Variants in CSNK1G3 observed in about 807,000 individuals in gnomAD.
The protein encoded by CSNK1G3 is casein kinase 1 gamma 3.
Under a neutral mutation model 64.3 loss-of-function variants are expected in CSNK1G3, and 23 were observed. That is an observed-to-expected ratio of 0.36 (90% CI 0.26 to 0.51). The LOEUF is 0.51. Ranked by LOEUF, CSNK1G3 falls within the 20% of genes least tolerant of loss-of-function variation. The pLI is 0.96. For synonymous variants in CSNK1G3, 158 were observed against 162.2 expected, an observed-to-expected ratio of 0.97 and a Z score of 0.20; for missense variants, 357 against 510.5, an observed-to-expected ratio of 0.70 and a Z score of 2.90.
intron 6 of CSNK1G3, among the ~76,000 whole-genome samples, chr5:123,576,263 A>G (rs1274822219): frequency 1.3e-5 from 2 of 152,146 alleles, no homozygotes; most frequent in East Asian, 3.8e-4. Context: ...TTTCTCTTAC[A>G]AAATATGAGA....
At chr5:123,537,266 G>A (rs1376794747) in intron 1 of CSNK1G3, among the ~76,000 whole-genome samples, 4 of 152,150 alleles carry the variant, frequency 2.6e-5, no homozygotes, top group Non-Finnish European at 5.9e-5. Context: ...ATAAGAAAGA[G>A]TGAATCATGT....
At chr5:123,543,096 G>C (rs1178015161) in intron 1 of CSNK1G3, among the ~76,000 whole-genome samples, 1 of 151,874 alleles carries the variant, frequency 6.6e-6, no homozygotes, top group Non-Finnish European at 1.5e-5. Context: ...TTACATGTTT[G>C]GTAATTTTTA....
At chr5:123,604,036 A>G (rs921551080) in intron 10 of CSNK1G3, among the ~76,000 whole-genome samples, 4 of 152,102 alleles carry the variant, frequency 2.6e-5, no homozygotes, top group Non-Finnish European at 5.9e-5. Flanking sequence ...GCTGAAGACT[A>G]GATAATAGGT....
intron 4 of CSNK1G3, among the ~76,000 whole-genome samples, chr5:123,566,045 AT>A (rs1444276945): frequency 6.6e-6 from 1 of 152,180 alleles, no homozygotes; most frequent in African/African-American, 2.4e-5. Flanking sequence ...TTACTGTGAA[AT>A]GGATCATGAT....
At chr5:123,581,613 C>T (rs376055816) in intron 6 of CSNK1G3, among the ~76,000 whole-genome samples, 4 of 151,520 alleles carry the variant, frequency 2.6e-5, no homozygotes, top group South Asian at 2.1e-4. Context: ...GTTTATATTA[C>T]TAGATTAGGT....
chr5:123,564,714 C>T (rs983348626), intron 4 of CSNK1G3, among the ~76,000 whole-genome samples: 4 of 152,102 alleles, frequency 2.6e-5, no homozygotes, highest in Non-Finnish European at 5.9e-5. Flanking sequence ...TAAATCATCA[C>T]AGAAAGGACT....
At chr5:123,607,556 A>G (rs980758592) in intron 12 of CSNK1G3, among the ~76,000 whole-genome samples, 1 of 152,194 alleles carries the variant, frequency 6.6e-6, no homozygotes, top group Non-Finnish European at 1.5e-5. Flanking sequence ...AGGCAAATAC[A>G]TAGACATCAA....
At chr5:123,571,491 G>T (rs1316484402) in intron 4 of CSNK1G3, among the ~76,000 whole-genome samples, 2 of 151,960 alleles carry the variant, frequency 1.3e-5, no homozygotes, top group Admixed American at 6.6e-5. Context: ...TCATATCTGA[G>T]AAATACTTGT....
intron 2 of CSNK1G3, among the ~76,000 whole-genome samples, chr5:123,546,923 A>G (rs1581043805): frequency 6.6e-6 from 1 of 152,136 alleles, no homozygotes; most frequent in African/African-American, 2.4e-5. Flanking sequence ...GCAGACTCAA[A>G]TTTAGTAGGG....
At chr5:123,517,298 C>T (rs1777342247) in intron 1 of CSNK1G3, among the ~76,000 whole-genome samples, 1 of 152,060 alleles carries the variant, frequency 6.6e-6, no homozygotes, top group Non-Finnish European at 1.5e-5. Context: ...AACTTTTATT[C>T]CCCCCAGTTA....
chr5:123,568,349 CGGT>C (rs1787368898), intron 4 of CSNK1G3, among the ~76,000 whole-genome samples: 17 of 152,108 alleles, frequency 1.1e-4, no homozygotes, highest in Admixed American at 1.1e-3. Context: ...AGCTTCTTCT[CGGT>C]CCAACCACTG....
chr5:123,581,416 T>C (rs1176856333), intron 6 of CSNK1G3, among the ~76,000 whole-genome samples: 1 of 148,508 alleles, frequency 6.7e-6, no homozygotes, highest in African/African-American at 2.5e-5. Flanking sequence ...TTTTTGATAG[T>C]GTGTGTAGTA....
chr5:123,537,838 A>G (rs1057080402), intron 1 of CSNK1G3, among the ~76,000 whole-genome samples: 3 of 152,166 alleles, frequency 2.0e-5, no homozygotes, highest in African/African-American at 7.2e-5. Context: ...TTTACAGTCA[A>G]ATTTCCTACC....
At chr5:123,576,579 G>C (rs940126989) in intron 6 of CSNK1G3, among the ~76,000 whole-genome samples, 1 of 151,930 alleles carries the variant, frequency 6.6e-6, no homozygotes, top group Admixed American at 6.6e-5. Flanking sequence ...TTTTCATCTG[G>C]AACAGTTCCT....
chr5:123,572,810 C>T (rs1007798091), intron 4 of CSNK1G3, among the ~76,000 whole-genome samples: 1 of 152,192 alleles, frequency 6.6e-6, no homozygotes, highest in Non-Finnish European at 1.5e-5. Flanking sequence ...GTCAGGTCCA[C>T]CAGGATTCTC....
intron 6 of CSNK1G3, among the ~76,000 whole-genome samples, chr5:123,586,579 A>G (rs1014073361): frequency 6.6e-6 from 1 of 152,170 alleles, no homozygotes; most frequent in African/African-American, 2.4e-5. Flanking sequence ...TCTCCGTTAT[A>G]TCACATTTTT....
At chr5:123,531,357 G>A (rs888845165) in intron 1 of CSNK1G3, among the ~76,000 whole-genome samples, 13 of 151,992 alleles carry the variant, frequency 8.6e-5, no homozygotes, top group Admixed American at 5.2e-4. Flanking sequence ...GTCTTAAGGA[G>A]GTCAGTTGGC....
intron 3 of CSNK1G3, among the ~76,000 whole-genome samples, chr5:123,553,889 A>G: frequency 6.6e-6 from 1 of 152,202 alleles, no homozygotes; most frequent in East Asian, 1.9e-4. Context: ...CATACCATTG[A>G]TGCCTTACTA....
chr5:123,568,220 C>G (rs1156481280), intron 4 of CSNK1G3, among the ~76,000 whole-genome samples: 1 of 152,164 alleles, frequency 6.6e-6, no homozygotes, highest in Non-Finnish European at 1.5e-5. Flanking sequence ...GAGGATACTT[C>G]TCAGATGTAA....
Sources: allele counts gnomAD v4.1 joint callset (sites outside exome capture counted in the v4.1 genomes callset), GRCh38; gene constraint gnomAD v4.1.1; transcripts MANE v1.5; gene names NCBI Gene and HGNC (gene_info 2026-07-23, HGNC 2026-07-21).